SRGAP3: variants seen among roughly 807,000 people sequenced by gnomAD.
SRGAP3 encodes the protein SLIT-ROBO Rho GTPase activating protein 3.
SRGAP3 carries 39 observed loss-of-function variants against 121.1 expected under a neutral mutation model. The observed-to-expected ratio is 0.32, with a 90% CI of 0.25 to 0.42. The LOEUF is 0.42. Among genes scored for constraint, SRGAP3 ranks in the 10% least tolerant of loss-of-function variants. The pLI is 1.00. For missense variants in SRGAP3, 1,213 were observed against 1,470.6 expected (o/e 0.82, Z 2.86); for synonymous variants, 601 against 570.0 (o/e 1.05, Z -0.77).
At chr3:9,157,407 C>T (rs558727401) in intron 1 of SRGAP3, among the ~76,000 whole-genome samples, 1 of 152,236 alleles carries the variant, frequency 6.6e-6, no homozygotes, top group South Asian at 2.1e-4. Flanking sequence ...TACAATTCCA[C>T]GTGAGATTAG....
chr3:9,284,535 T>C (rs1306275398), intron 3 of SRGAP3, among the ~76,000 whole-genome samples: 2 of 152,152 alleles, frequency 1.3e-5, no homozygotes, highest in East Asian at 1.9e-4. Flanking sequence ...AGTATTAATA[T>C]AAAAATAGTT....
intron 1 of SRGAP3, among the ~76,000 whole-genome samples, chr3:9,361,847 T>A (rs1489256329): frequency 6.6e-6 from 1 of 152,140 alleles, no homozygotes; most frequent in Non-Finnish European, 1.5e-5. Flanking sequence ...GGACGTGCAG[T>A]GAGGGTTTTC....
intron 1 of SRGAP3, among the ~76,000 whole-genome samples, chr3:9,184,198 G>T (rs1951524381): frequency 6.6e-6 from 1 of 152,148 alleles, no homozygotes; most frequent in East Asian, 1.9e-4. Context: ...ATTGGGCAAG[G>T]TGAAGCCAGA....
chr3:9,149,017 G>A lies in SRGAP3; in HGVS notation c.68-24100C>T, dbSNP rs531181616. On this transcript the variant is annotated intron_variant, in intron 1 of 21. Coordinates refer to ENST00000383836, the MANE Select transcript of SRGAP3 (RefSeq NM_014850.4). ...GATCACAAGGTCGGGAGTTCGAGAC[G>A]AGCCTGGCCAACATAGTAAAACCCC... 1.3e-3 allele frequency among the ~76,000 whole-genome samples: 205 copies of A among 151,912 alleles called. 1 individual carries two copies. Among genetic ancestry groups the A allele is most frequent in the African/African-American group, 4.8e-3 (198 of 41,442 alleles).
At chr3:9,352,872 A>C (rs1042164674) in intron 1 of SRGAP3, among the ~76,000 whole-genome samples, 1 of 152,196 alleles carries the variant, frequency 6.6e-6, no homozygotes, top group Non-Finnish European at 1.5e-5. Flanking sequence ...CTCTGCCTCA[A>C]CTGAGTATGT....
intron 3 of SRGAP3, among the ~76,000 whole-genome samples, chr3:9,286,556 C>T (rs1389389305): frequency 6.6e-6 from 1 of 152,096 alleles, no homozygotes; most frequent in South Asian, 2.1e-4. Context: ...AAAATAAAGA[C>T]TATGACTCCT....
At chr3:8,995,694 A>G (rs1942357662) in intron 18 of SRGAP3, among the ~76,000 whole-genome samples, 1 of 152,070 alleles carries the variant, frequency 6.6e-6, no homozygotes, top group Admixed American at 6.6e-5. Flanking sequence ...TGGGGAAGAG[A>G]CGTTTTGGGG....
chr3:8,985,257 G>T lies in SRGAP3; in HGVS notation c.*262C>A. The T allele has an allele frequency of 1.5e-6, 1 of 648,656 alleles. No homozygotes were observed. The highest frequency in any genetic ancestry group is 2.5e-6 in the Non-Finnish European group (1 of 402,610). 40.2% of individuals were successfully genotyped at this position (648,656 alleles called of 1,614,324 possible). A position where few individuals can be genotyped will look rare whatever the true frequency, so the allele number is the denominator to read the frequency against. On this transcript the variant is annotated 3_prime_UTR_variant, in exon 22 of 22. Transcript: ENST00000383836. This position sits in a 1 kb window ranked among gnomAD's most constrained non-coding sequence, Gnocchi z 5.1. The stretch of plus-strand genomic sequence containing the variant: ...AAGCCATGTGGTATTTTGCCTCCAT[G>T]TTAGGGAATGCTGTGGTTGGGGCTG...
rs1377111298 is a variant in SRGAP3, at chr3:9,284,339, G to C, written n.442+41671C>G. Among the ~76,000 whole-genome samples the C allele has an allele frequency of 2.6e-5, 4 of 152,202 alleles. No individual in the cohort carries two copies. In the East Asian group the frequency reaches 7.7e-4, roughly 29 times the overall value. On this transcript the variant is annotated intron_variant and non_coding_transcript_variant, in intron 3 of 3. Coordinates refer to the SRGAP3 transcript ENST00000490889. ...TTAATAATGTGTACTGCTTTGTCAA[G>C]GACATTCTTAGGTGAAACTAGGTTT... is the stretch of plus-strand genomic sequence containing the variant.
At chr3:9,179,799 C>T (rs1279722575) in intron 1 of SRGAP3, among the ~76,000 whole-genome samples, 3 of 152,264 alleles carry the variant, frequency 2.0e-5, no homozygotes, top group Non-Finnish European at 4.4e-5. Flanking sequence ...CTTCATAAGA[C>T]CTGACTGTGA....
At chr3:9,182,195 A>C (rs1303103583) in intron 1 of SRGAP3, among the ~76,000 whole-genome samples, 1 of 150,862 alleles carries the variant, frequency 6.6e-6, no homozygotes, top group East Asian at 1.9e-4. Context: ...AAAAAAAAAA[A>C]AAAAAACACA....
rs138631274 is a variant in SRGAP3 at position 9,059,593 on chromosome 3, A to C, written c.801+638T>G. On this transcript the variant is annotated intron_variant, in intron 6 of 21. Coordinates refer to ENST00000383836, the MANE Select transcript of SRGAP3 (RefSeq NM_014850.4). The stretch of plus-strand genomic sequence containing the variant: ...AGAGAAACAGTCCTGGCTCCTACTT[A>C]GATGACACAGAAGCCCTCCCCAGCA... 6.5e-3 allele frequency: 1,087 copies of C among 166,516 alleles called. 11 individuals carry two copies. The highest frequency in any genetic ancestry group is 0.025 in the African/African-American group (1,040 of 41,646). 10.3% of individuals were successfully genotyped at this position (166,516 alleles called of 1,614,324 possible).
intron 3 of SRGAP3, among the ~76,000 whole-genome samples, chr3:9,098,208 G>A (rs1240140723): frequency 1.3e-5 from 2 of 152,206 alleles, no homozygotes; most frequent in Non-Finnish European, 2.9e-5. Context: ...TCTGCTTTCA[G>A]ACTGCACTGG....
At chr3:9,363,015 G>A (rs920368849) in exon 1 of SRGAP3, 33 of 152,426 alleles carry the variant, frequency 2.2e-4, no homozygotes, top group African/African-American at 7.9e-4. Context: ...CCAGCGCGGA[G>A]CCACCGTGAC....
intron 1 of SRGAP3, among the ~76,000 whole-genome samples, chr3:9,200,221 T>C (rs1263028923): frequency 6.6e-6 from 1 of 152,242 alleles, no homozygotes; most frequent in Middle Eastern, 3.2e-3. Context: ...ATATACTTTG[T>C]TTTTAAGATA....
intron 1 of SRGAP3, among the ~76,000 whole-genome samples, chr3:9,341,492 G>A (rs1004765788): frequency 2.0e-5 from 3 of 152,230 alleles, no homozygotes; most frequent in African/African-American, 7.2e-5. Context: ...GCTTACAGCT[G>A]TGGAAGAATA....
chr3:9,006,398 C>CA (rs71049762), intron 18 of SRGAP3, among the ~76,000 whole-genome samples: 72,742 of 122,326 alleles, frequency 0.59, 20,714 homozygotes, highest in African/African-American at 0.71. Context: ...GACTCTGTCT[C>CA]AAAAAAAAAA....
chr3:9,137,365 G>C (rs1267799156), intron 1 of SRGAP3, among the ~76,000 whole-genome samples: 1 of 152,202 alleles, frequency 6.6e-6, no homozygotes, highest in Non-Finnish European at 1.5e-5. Context: ...CTTTCTAGGG[G>C]ATGGGGGAAC....
At chr3:9,196,035 A>G (rs1349552791) in intron 1 of SRGAP3, among the ~76,000 whole-genome samples, 5 of 152,214 alleles carry the variant, frequency 3.3e-5, no homozygotes. Context: ...AATTTAGAAA[A>G]GATCATTGTG....
Sources: gnomAD v4.1 joint callset for allele counts (sites outside exome capture counted in the v4.1 genomes callset) on GRCh38, gnomAD v4.1.1 for gene constraint, Gnocchi (gnomAD v3.1) non-coding constraint, MANE v1.5 for transcripts, NCBI Gene and HGNC (gene_info 2026-07-23, HGNC 2026-07-21) for gene names.